PTPN14: variants seen among roughly 807,000 people sequenced by gnomAD.
The protein encoded by PTPN14 is protein tyrosine phosphatase non-receptor type 14.
In PTPN14, 53 loss-of-function variants were observed where a neutral mutation model predicts 126.8. The observed-to-expected ratio is 0.42, with a 90% CI of 0.34 to 0.53. The LOEUF (loss-of-function observed/expected upper bound fraction) is 0.53, where lower values mean the gene tolerates loss of function less well. PTPN14 is among the 20% of genes least tolerant of loss of function. The pLI is 0.08. For synonymous variants in PTPN14, 630 were observed against 599.3 expected, an observed-to-expected ratio of 1.05 and a Z score of -0.75; for missense variants, 1,257 against 1,552.9, an observed-to-expected ratio of 0.81 and a Z score of 3.20.
At chr1:214,540,858 A>G (rs1176021825) in intron 1 of PTPN14, among the ~76,000 whole-genome samples, 2 of 152,234 alleles carry the variant, frequency 1.3e-5, no homozygotes, top group Admixed American at 1.3e-4. Context: ...TTTACAAACA[A>G]AATTTCAGAT....
chr1:214,490,488 G>A (rs1661204744), intron 1 of PTPN14, among the ~76,000 whole-genome samples: 1 of 152,106 alleles, frequency 6.6e-6, no homozygotes, highest in South Asian at 2.1e-4. Context: ...GTCTCTCATT[G>A]TGTATGCATA....
At chr1:214,360,931 C>T (rs550548144) in intron 18 of PTPN14, among the ~76,000 whole-genome samples, 4 of 152,292 alleles carry the variant, frequency 2.6e-5, no homozygotes, top group African/African-American at 9.6e-5. Flanking sequence ...AGTGAATTCT[C>T]ATGAGATCCG....
intron 2 of PTPN14, among the ~76,000 whole-genome samples, chr1:214,464,106 T>A (rs1660571241): frequency 6.7e-6 from 1 of 150,114 alleles, no homozygotes; most frequent in South Asian, 2.1e-4. Context: ...GAAGAAAACC[T>A]CTGTTTTACA....
intron 1 of PTPN14, among the ~76,000 whole-genome samples, chr1:214,540,652 G>A (rs757242979): frequency 1.3e-5 from 2 of 151,978 alleles, no homozygotes; most frequent in African/African-American, 2.4e-5. Flanking sequence ...ACTCACACAC[G>A]TCCACAGATA....
At chr1:214,373,649 T>C (rs1250192228) in intron 15 of PTPN14, among the ~76,000 whole-genome samples, 1 of 149,850 alleles carries the variant, frequency 6.7e-6, no homozygotes, top group Non-Finnish European at 1.5e-5. Context: ...TCTACCACTG[T>C]GTTGTAATCC....
intron 1 of PTPN14, among the ~76,000 whole-genome samples, chr1:214,511,350 A>C (rs2102444150): frequency 6.6e-6 from 1 of 152,358 alleles, no homozygotes; most frequent in South Asian, 2.1e-4. Context: ...CTCAATTTAA[A>C]AACACAGACT....
At chr1:214,518,252 C>G (rs1655157378) in intron 1 of PTPN14, among the ~76,000 whole-genome samples, 1 of 151,926 alleles carries the variant, frequency 6.6e-6, no homozygotes, top group Admixed American at 6.6e-5. Context: ...ATATTTCTAC[C>G]CAACTAAAAT....
rs746615404 is a variant in PTPN14, at chr1:214,383,875, C to T, written c.1980G>A (p.Ser660=). 9 of 1,612,814 alleles carry T rather than the reference C, an allele frequency of 5.6e-6. No homozygotes were observed. Among genetic ancestry groups the T allele is most frequent in the South Asian group, 3.3e-5 (3 of 91,076 alleles). ...VRGMEAMTLK[S]LHLPMARRNT... Reference sequence around the variant, plus strand: ...TGCGGCGAGCCATGGGGAGGTGGAGCGACTTGAGCGTCATGGCCTCCATGC... The same window carrying T: ...TGCGGCGAGCCATGGGGAGGTGGAGTGACTTGAGCGTCATGGCCTCCATGC... The change falls in exon 13 of 19, where the codon TCG becomes TCA. Residue 660 remains serine (S), a synonymous_variant. Transcript: ENST00000366956. The surrounding 1 kb of genome is among the most constrained non-coding windows in gnomAD (Gnocchi z 4.4).
At chr1:214,544,307 T>C (rs933512674) in intron 1 of PTPN14, among the ~76,000 whole-genome samples, 2 of 152,104 alleles carry the variant, frequency 1.3e-5, no homozygotes, top group African/African-American at 4.8e-5. Flanking sequence ...GGCTGGCACC[T>C]GTGGTCCCAG....
chr1:214,488,769 T>C (rs1028993049), intron 1 of PTPN14, among the ~76,000 whole-genome samples: 1 of 152,210 alleles, frequency 6.6e-6, no homozygotes, highest in Admixed American at 6.5e-5. Context: ...AAAGAGGTTT[T>C]TGACAGCTGT....
At chr1:214,486,175 C>A (rs944698305) in intron 1 of PTPN14, among the ~76,000 whole-genome samples, 1 of 152,048 alleles carries the variant, frequency 6.6e-6, no homozygotes, top group Non-Finnish European at 1.5e-5. Flanking sequence ...AAAACCATAC[C>A]CTAATTTAAC....
intron 1 of PTPN14, among the ~76,000 whole-genome samples, chr1:214,545,431 A>G (rs1655945878): frequency 6.6e-6 from 1 of 152,184 alleles, no homozygotes; most frequent in Admixed American, 6.5e-5. Context: ...CTCTTGAGAT[A>G]ACAAATCTGA....
Position 214,354,033 on chromosome 1 carries a change from A to C in PTPN14, c.*3889T>G, listed in dbSNP as rs967770104. Reference sequence around the variant, plus strand: ...CCTGCTGTACCCACTGGAGTTTATAACTGAAAAGCACAAGCTGAAAGAAAG... The same window carrying C: ...CCTGCTGTACCCACTGGAGTTTATACCTGAAAAGCACAAGCTGAAAGAAAG... On this transcript the variant is annotated 3_prime_UTR_variant, in exon 19 of 19. Coordinates refer to ENST00000366956, the MANE Select transcript of PTPN14 (RefSeq NM_005401.5). 1 of 152,240 alleles carries C rather than the reference A, an allele frequency of 6.6e-6. No individual in the cohort carries two copies. The highest frequency in any genetic ancestry group is 1.5e-5 in the Non-Finnish European group (1 of 68,076). The allele number at this position is 152,240 out of a possible 1,614,324, so 9.4% of individuals were successfully genotyped here. A position where few individuals can be genotyped will look rare whatever the true frequency, so the allele number is the denominator to read the frequency against.
intron 1 of PTPN14, among the ~76,000 whole-genome samples, chr1:214,545,626 T>TTG (rs1191496376): frequency 3.9e-5 from 6 of 151,954 alleles, no homozygotes; most frequent in Non-Finnish European, 8.8e-5. Context: ...GGAAAATACT[T>TTG]TTACAGACTC....
Position 214,532,557 on chromosome 1 carries a change from T to C in PTPN14, c.-155+18626A>G, listed in dbSNP as rs934257177. 6 of 1,070,338 alleles carry C rather than the reference T, an allele frequency of 5.6e-6. No homozygotes were observed. The African/African-American group carries it at 9.3e-5, about 17-fold the overall frequency. The allele number at this position is 1,070,338 out of a possible 1,614,324, so 66.3% of individuals were successfully genotyped here. A position where few individuals can be genotyped will look rare whatever the true frequency, so the allele number is the denominator to read the frequency against. ...GAAGAAGGGACCCCAGGTCAGAGAC[T>C]GGGGGCCATTACTTCAAGATCATCG... On this transcript the variant is annotated intron_variant, in intron 1 of 18. Coordinates refer to ENST00000366956, the MANE Select transcript of PTPN14 (RefSeq NM_005401.5).
intron 3 of PTPN14, among the ~76,000 whole-genome samples, chr1:214,415,675 C>T (rs1411482272): frequency 2.0e-5 from 3 of 152,190 alleles, no homozygotes; most frequent in Non-Finnish European, 2.9e-5. Flanking sequence ...ACTGCTGGCT[C>T]TACCATGTTG....
At chr1:214,367,962 G>T (rs2102515119) in intron 17 of PTPN14, among the ~76,000 whole-genome samples, 1 of 152,194 alleles carries the variant, frequency 6.6e-6, no homozygotes, top group East Asian at 1.9e-4. Context: ...CACATAATCT[G>T]GTGAATTAGT....
intron 1 of PTPN14, among the ~76,000 whole-genome samples, chr1:214,503,519 A>G (rs958827533): frequency 6.6e-6 from 1 of 152,242 alleles, no homozygotes; most frequent in African/African-American, 2.4e-5. Context: ...AAAACTCAAA[A>G]TTGGCATTCT....
At chr1:214,483,443 A>T in intron 1 of PTPN14, 1 of 1,088,228 alleles carries the variant, frequency 9.2e-7, no homozygotes. Flanking sequence ...GCGGGCGCAC[A>T]AGCCTCGCCT....
Sources: gnomAD v4.1 joint callset for allele counts (sites outside exome capture counted in the v4.1 genomes callset) on GRCh38, gnomAD v4.1.1 for gene constraint, Gnocchi (gnomAD v3.1) non-coding constraint, MANE v1.5 for transcripts, NCBI Gene and HGNC (gene_info 2026-07-23, HGNC 2026-07-21) for gene names.